Variants in RPRD2 observed in about 807,000 individuals in gnomAD.
RPRD2 encodes regulation of nuclear pre-mRNA domain containing 2.
Under a neutral mutation model 104.4 loss-of-function variants are expected in RPRD2, and 12 were observed. The ratio of observed to expected loss-of-function variants is 0.11; its 90% CI spans 0.07 to 0.19. RPRD2 has a LOEUF of 0.19. RPRD2 is among the 10% of genes least tolerant of loss of function. The probability of loss-of-function intolerance (pLI) is 1.00; values close to 1 mark genes in which losing one functional copy is unlikely to be tolerated. For missense variants in RPRD2, 1,543 were observed against 1,790.1 expected (o/e 0.86, Z 2.49); for synonymous variants, 714 against 684.9 (o/e 1.04, Z -0.66).
intron 1 of RPRD2, among the ~76,000 whole-genome samples, chr1:150,410,297 AATATG>A (rs1458901220): frequency 6.6e-6 from 1 of 152,158 alleles, no homozygotes; most frequent in Non-Finnish European, 1.5e-5. Context: ...GAAGTAGAAT[AATATG>A]ATCAATTTAT....
At chr1:150,422,163 AAAAAC>A (rs1267834787) in intron 2 of RPRD2, among the ~76,000 whole-genome samples, 1 of 106,210 alleles carries the variant, frequency 9.4e-6, no homozygotes, top group Non-Finnish European at 2.1e-5. Context: ...CGTCTCTACT[AAAAAC>A]ACACATACAC....
chr1:150,465,027 T>A (rs1348879326), intron 10 of RPRD2, among the ~76,000 whole-genome samples: 1 of 151,952 alleles, frequency 6.6e-6, no homozygotes. Context: ...CACCACCATG[T>A]CTGGCTAATT....
intron 1 of RPRD2, among the ~76,000 whole-genome samples, chr1:150,410,936 C>T (rs1572417943): frequency 6.6e-6 from 1 of 152,276 alleles, no homozygotes; most frequent in Non-Finnish European, 1.5e-5. Context: ...GATTGTGGCT[C>T]ATTGCACCCT....
At chr1:150,400,724 G>A (rs181358362) in intron 1 of RPRD2, among the ~76,000 whole-genome samples, 1 of 152,040 alleles carries the variant, frequency 6.6e-6, no homozygotes, top group Non-Finnish European at 1.5e-5. Flanking sequence ...GTTCTTAGGG[G>A]GATAGCTTTT....
chr1:150,459,463 A>C (rs782688081), intron 8 of RPRD2, among the ~76,000 whole-genome samples: 1 of 152,236 alleles, frequency 6.6e-6, no homozygotes, highest in Non-Finnish European at 1.5e-5. Flanking sequence ...CATTTCCAAA[A>C]GACAGAACAC....
intron 1 of RPRD2, among the ~76,000 whole-genome samples, chr1:150,378,441 T>C (rs1397114110): frequency 6.6e-6 from 1 of 152,202 alleles, no homozygotes; most frequent in African/African-American, 2.4e-5. Context: ...TTTACCATTA[T>C]GGTAGACGGC....
Position 150,472,523 on chromosome 1 carries a change from A to G in RPRD2, c.3575A>G (p.His1192Arg), listed in dbSNP as rs1488368055. Residue 1192 changes from histidine to arginine, a missense_variant, in exon 11 of 11, where the codon CAT (histidine) becomes CGT (arginine). Physicochemically the swap from His to Arg is conservative, Grantham distance 29 (BLOSUM62 0). Around this residue, in one of 4 missense-constraint regions of RPRD2, gnomAD observed 880 missense variants for 885.6 expected, o/e 0.99. Coordinates refer to ENST00000369068, the MANE Select transcript of RPRD2 (RefSeq NM_015203.5). ...AACAGTTTCAACTCAACATTTGAGC[A>G]TCATCTTCCCCCATCCCCCTTGGAA... is the stretch of plus-strand genomic sequence containing the variant. ...RSNSFNSTFE[H>R]HLPPSPLEHG... is the part of the protein sequence containing the mutation. 1.2e-6 allele frequency: 2 copies of G among 1,613,954 alleles called. No individual in the cohort carries two copies. Among genetic ancestry groups the G allele is most frequent in the Non-Finnish European group, 8.5e-7 (1 of 1,179,876 alleles).
At chr1:150,370,610 T>G (rs960255209) in intron 1 of RPRD2, among the ~76,000 whole-genome samples, 1 of 149,778 alleles carries the variant, frequency 6.7e-6, no homozygotes, top group African/African-American at 2.5e-5. Flanking sequence ...ATTCTTGTTC[T>G]GTCACCCAGG....
At chr1:150,453,034 CTTT>C (rs11342600) in intron 7 of RPRD2, among the ~76,000 whole-genome samples, 21 of 132,920 alleles carry the variant, frequency 1.6e-4, no homozygotes, top group Admixed American at 2.3e-4. Flanking sequence ...AATATATTTA[CTTT>C]TTTTTTTTTT....
At chr1:150,412,839 T>G (rs1360186070) in intron 1 of RPRD2, among the ~76,000 whole-genome samples, 1 of 152,150 alleles carries the variant, frequency 6.6e-6, no homozygotes, top group Non-Finnish European at 1.5e-5. Flanking sequence ...CATGTAAAAT[T>G]TATACAAAAA....
At chr1:150,456,784 G>A (rs1311947435) in intron 7 of RPRD2, among the ~76,000 whole-genome samples, 1 of 151,572 alleles carries the variant, frequency 6.6e-6, no homozygotes, top group African/African-American at 2.4e-5. Context: ...AATTAGCCGG[G>A]TGTGGTGGTG....
At chr1:150,436,331 G>A (rs1181669274) in intron 2 of RPRD2, among the ~76,000 whole-genome samples, 1 of 152,198 alleles carries the variant, frequency 6.6e-6, no homozygotes, top group Non-Finnish European at 1.5e-5. Flanking sequence ...GCCGGGCATG[G>A]TGGCTCATGC....
chr1:150,404,987 G>T (rs1553886212), intron 1 of RPRD2, among the ~76,000 whole-genome samples: 1 of 152,108 alleles, frequency 6.6e-6, no homozygotes, highest in Non-Finnish European at 1.5e-5. Context: ...GCATGAAGCG[G>T]GTAGTTCATG....
chr1:150,458,618 A>G (rs1331450220), intron 8 of RPRD2, among the ~76,000 whole-genome samples: 2 of 152,176 alleles, frequency 1.3e-5, no homozygotes, highest in Non-Finnish European at 2.9e-5. Context: ...TTTTTAAATT[A>G]CATGTGTCTG....
chr1:150,437,977 TAAAAAAAAA>T (rs35517552), intron 2 of RPRD2, among the ~76,000 whole-genome samples: 6 of 129,636 alleles, frequency 4.6e-5, no homozygotes, highest in Admixed American at 2.4e-4. Flanking sequence ...TGTCATTATT[TAAAAAAAAA>T]AAAAAAAAAA....
At chr1:150,462,042 G>T (rs1667970316) in intron 9 of RPRD2, among the ~76,000 whole-genome samples, 1 of 151,810 alleles carries the variant, frequency 6.6e-6, no homozygotes, top group African/African-American at 2.4e-5. Flanking sequence ...CCAGCACTTT[G>T]GGAGGCCAAG....
intron 3 of RPRD2, chr1:150,441,645 C>T: frequency 2.7e-6 from 1 of 372,962 alleles, no homozygotes; most frequent in East Asian, 4.3e-5. Flanking sequence ...TTTTAAGCCT[C>T]CTCCCCTATT....
chr1:150,457,443 A>G lies in RPRD2; in HGVS notation c.1026A>G (p.Gly342=). 5 of 1,613,826 alleles carry G rather than the reference A, an allele frequency of 3.1e-6. No individual in the cohort carries two copies. In the Admixed American group the frequency reaches 8.3e-5, roughly 27 times the overall value. ...CTGAGTCTCCTTTTCAGGGAATGGGAGGTGAGGAATCCCAGTCACCAACCA... is the reference window on the plus strand; with the variant it reads ...CTGAGTCTCCTTTTCAGGGAATGGGGGGTGAGGAATCCCAGTCACCAACCA... ...TGSESPFQGM[G]GEESQSPTME... The change falls in exon 8 of 11, where the codon GGA becomes GGG. Residue 342 remains glycine, a synonymous_variant. Coordinates refer to ENST00000369068, the MANE Select transcript of RPRD2 (RefSeq NM_015203.5).
intron 1 of RPRD2, among the ~76,000 whole-genome samples, chr1:150,378,833 C>T (rs1553880127): frequency 1.3e-5 from 2 of 150,782 alleles, no homozygotes; most frequent in South Asian, 2.1e-4. Flanking sequence ...AAATACAAAA[C>T]TTAGCCAGGC....
Sources: gnomAD v4.1 joint callset for allele counts (sites outside exome capture counted in the v4.1 genomes callset) on GRCh38, gnomAD v4.1.1 for gene constraint, gnomAD v4.1.1 regional missense constraint, MANE v1.5 for transcripts, NCBI Gene and HGNC (gene_info 2026-07-23, HGNC 2026-07-21) for gene names.